HERC2: variants seen among roughly 807,000 people sequenced by gnomAD.
HERC2 encodes the protein E3 ubiquitin-protein ligase HERC2.
HERC2 carries 102 observed loss-of-function variants against 537.7 expected under a neutral mutation model. The observed-to-expected ratio is 0.19, with a 90% CI of 0.16 to 0.22. HERC2 has a LOEUF of 0.22. HERC2 is among the 10% of genes least tolerant of loss of function. HERC2 has a pLI of 1.00. For synonymous variants in HERC2, 2,224 were observed against 2,466.2 expected (o/e 0.90, Z 2.91); for missense variants, 4,236 against 6,198.2 (o/e 0.68, Z 10.63).
At position 28,287,141 on chromosome 15, in the gene HERC2, C is replaced by T. The variant is rs527721933; in HGVS notation, c.322+5747G>A. On this transcript the variant is annotated intron_variant, in intron 4 of 92. Coordinates refer to ENST00000261609, the MANE Select transcript of HERC2 (RefSeq NM_004667.6). ...TGTGAAAAAGGAAGCTTTAGTCAAA[C>T]ATATCTAAGCAAAAGAAAAAACAAA... Among the ~76,000 whole-genome samples, 41 of 152,244 alleles carry T rather than the reference C, an allele frequency of 2.7e-4. 2 individuals carry two copies. The South Asian group carries it at 8.5e-3, about 32-fold the overall frequency.
chr15:28,257,559 C>A (rs1188160738), intron 16 of HERC2, among the ~76,000 whole-genome samples: 1 of 152,150 alleles, frequency 6.6e-6, no homozygotes, highest in Non-Finnish European at 1.5e-5. Flanking sequence ...GGATCTCCAT[C>A]CACTTGAAGT....
chr15:28,303,336 G>C (rs1327317934), intron 2 of HERC2, among the ~76,000 whole-genome samples: 1 of 152,012 alleles, frequency 6.6e-6, no homozygotes, highest in East Asian at 1.9e-4. Flanking sequence ...TCTGTTTCTG[G>C]GTTCTCTATT....
At chr15:28,202,062 C>T (rs778637066) in intron 47 of HERC2, 51 bp downstream of exon 47, 283 of 965,056 alleles carry the variant, frequency 2.9e-4, no homozygotes, top group Non-Finnish European at 3.7e-4. Context: ...ACTGTTAGAG[C>T]GCTAGACGGA....
At chr15:28,138,779 G>A (rs1220826196) in intron 78 of HERC2, among the ~76,000 whole-genome samples, 1 of 152,182 alleles carries the variant, frequency 6.6e-6, no homozygotes, top group Non-Finnish European at 1.5e-5. Flanking sequence ...CATTTCATAA[G>A]GCTATAGCTG....
intron 20 of HERC2, among the ~76,000 whole-genome samples, chr15:28,249,077 A>G (rs1012722286): frequency 6.6e-6 from 1 of 152,266 alleles, no homozygotes; most frequent in Non-Finnish European, 1.5e-5. Context: ...AAACATTAAG[A>G]CAACGAAATT....
rs529292974 is a variant in HERC2 at position 28,215,227 on chromosome 15, G to A, written c.6210+394C>T. ...GCAAGTAATCAAGTGAAAATTTTGA[G>A]ATTCATTATTTTACAGCCAGGTAAT... On this transcript the variant is annotated intron_variant, in intron 39 of 92. Transcript: ENST00000261609. Among the ~76,000 whole-genome samples the A allele has an allele frequency of 3.3e-5, 5 of 152,234 alleles. No homozygotes were observed. In the South Asian group the frequency reaches 1.0e-3, roughly 32 times the overall value.
At chr15:28,225,595 G>C (rs2140543683) in intron 35 of HERC2, among the ~76,000 whole-genome samples, 1 of 151,588 alleles carries the variant, frequency 6.6e-6, no homozygotes, top group East Asian at 2.0e-4. Flanking sequence ...CTACTCGGGA[G>C]GCTGAGGCAG....
intron 2 of HERC2, chr15:28,315,789 T>C: frequency 7.1e-7 from 1 of 1,415,892 alleles, no homozygotes; most frequent in Non-Finnish European, 9.6e-7. Flanking sequence ...CTTGTTGCAC[T>C]GTGGAGGCCA....
intron 45 of HERC2, among the ~76,000 whole-genome samples, chr15:28,205,267 C>T (rs1225586747): frequency 5.0e-5 from 4 of 80,558 alleles, no homozygotes; most frequent in African/African-American, 1.3e-4. Flanking sequence ...TGTTCACACT[C>T]GGCATCTCCC....
chr15:28,130,566 A>G lies in HERC2; in HGVS notation c.12599T>C (p.Val4200Ala), dbSNP rs1890001963. ...AAACTGGGATCCGCATTCCACTTTAACTACTCCAAGACCAGTAAGAGAATC... is the reference window on the plus strand; with the variant it reads ...AAACTGGGATCCGCATTCCACTTTAGCTACTCCAAGACCAGTAAGAGAATC... Reference protein sequence around the residue: ...KIDSLTGLGVVKVECGSQFSV... With the variant: ...KIDSLTGLGVAKVECGSQFSV... Residue 4200 changes from valine to alanine, a missense_variant, in exon 82 of 93, where the codon GTT becomes GCT. Coordinates refer to ENST00000261609, the MANE Select transcript of HERC2 (RefSeq NM_004667.6). 6.2e-7 allele frequency: 1 copy of G among 1,614,052 alleles called. No individual in the cohort carries two copies. Among genetic ancestry groups the G allele is most frequent in the South Asian group, 1.1e-5 (1 of 91,082 alleles).
At chr15:28,204,428 T>C (rs1898192189) in intron 45 of HERC2, among the ~76,000 whole-genome samples, 1 of 152,134 alleles carries the variant, frequency 6.6e-6, no homozygotes, top group South Asian at 2.1e-4. Context: ...GAGACCAGCC[T>C]GGCCAACATG....
chr15:28,117,301 G>C (rs1172376291), intron 86 of HERC2, 147 bp from the exon 87 acceptor site: 4 of 841,792 alleles, frequency 4.8e-6, no homozygotes, highest in Non-Finnish European at 7.8e-6. Flanking sequence ...TGGACGCCAG[G>C]CAGACCCTGC....
intron 38 of HERC2, among the ~76,000 whole-genome samples, chr15:28,216,126 TA>T (rs1235658631): frequency 6.6e-6 from 1 of 152,150 alleles, no homozygotes; most frequent in Non-Finnish European, 1.5e-5. Flanking sequence ...CGGGCATTTT[TA>T]AAACCTTCTA....
intron 2 of HERC2, among the ~76,000 whole-genome samples, chr15:28,317,462 G>C (rs551245292): frequency 3.8e-4 from 58 of 152,342 alleles, no homozygotes; most frequent in African/African-American, 1.3e-3. Flanking sequence ...CTTAATTGAT[G>C]ATTAGAGGAA....
At chr15:28,285,038 CCAAA>C (rs1345905153) in intron 4 of HERC2, among the ~76,000 whole-genome samples, 1 of 149,938 alleles carries the variant, frequency 6.7e-6, no homozygotes, top group East Asian at 1.9e-4. Flanking sequence ...CGTGCATACA[CCAAA>C]CAAACAAAGA....
intron 17 of HERC2, among the ~76,000 whole-genome samples, chr15:28,256,699 A>C (rs1215663036): frequency 1.3e-5 from 2 of 152,092 alleles, no homozygotes; most frequent in Non-Finnish European, 2.9e-5. Flanking sequence ...AGTTCATGCC[A>C]TTTTCCTGAC....
Position 28,228,228 on chromosome 15 carries a change from C to A in HERC2, c.5454G>T (p.Leu1818=). 6.2e-7 allele frequency: 1 copy of A among 1,613,446 alleles called. No individual in the cohort carries two copies. Among genetic ancestry groups the A allele is most frequent in the Non-Finnish European group, 8.5e-7 (1 of 1,179,808 alleles). ...SGMLALTQTA[L]RLIGPSCDNV... ...CGGGTGCAGACCTACCAATCAGGCG[C>A]AGTGCCGTCTGCGTGAGGGCCAGCA... Residue 1818 remains leucine, a synonymous_variant, in exon 35 of 93, where the codon CTG becomes CTT. Coordinates refer to ENST00000261609, the MANE Select transcript of HERC2 (RefSeq NM_004667.6).
intron 69 of HERC2, among the ~76,000 whole-genome samples, chr15:28,155,559 G>A (rs1330005727): frequency 6.6e-6 from 1 of 151,138 alleles, no homozygotes; most frequent in Non-Finnish European, 1.5e-5. Context: ...CTGCATAAAT[G>A]TCTTCTTTTG....
chr15:28,204,328 A>G (rs2140357359), intron 45 of HERC2, among the ~76,000 whole-genome samples: 1 of 152,328 alleles, frequency 6.6e-6, no homozygotes, highest in East Asian at 1.9e-4. Flanking sequence ...ATGTACAGCA[A>G]AAGATAGATT....
Sources: allele counts gnomAD v4.1 joint callset (sites outside exome capture counted in the v4.1 genomes callset), GRCh38; gene constraint gnomAD v4.1.1; transcripts MANE v1.5; gene names NCBI Gene and HGNC (gene_info 2026-07-23, HGNC 2026-07-21).